CPLX2: variants seen among roughly 807,000 people sequenced by gnomAD.
The protein encoded by CPLX2 is complexin 2.
A neutral mutation model predicts 16.3 loss-of-function variants in CPLX2; 5 were observed. The ratio of observed to expected loss-of-function variants is 0.31; its 90% CI spans 0.16 to 0.64. CPLX2 has a LOEUF of 0.64. Among genes scored for constraint, CPLX2 ranks in the 30% least tolerant of loss-of-function variants. The pLI is 0.79. For synonymous variants in CPLX2, 89 were observed against 73.2 expected, an observed-to-expected ratio of 1.22 and a Z score of -1.10; for missense variants, 144 against 181.4, an observed-to-expected ratio of 0.79 and a Z score of 1.18.
intron 2 of CPLX2, among the ~76,000 whole-genome samples, chr5:175,850,796 C>A (rs1257913020): frequency 1.3e-5 from 2 of 152,010 alleles, no homozygotes; most frequent in Non-Finnish European, 2.9e-5. Flanking sequence ...AGGGGCAGAG[C>A]GATGTGTTCA....
rs975199718 is a variant in CPLX2, at chr5:175,809,928, C to T, written c.-89+860C>T. Among the ~76,000 whole-genome samples, 17 of 152,154 alleles carry T rather than the reference C, an allele frequency of 1.1e-4. No individual in the cohort carries two copies. Among genetic ancestry groups the T allele is most frequent in the Middle Eastern group, 3.2e-3 (1 of 316 alleles). Reference sequence around the variant, plus strand: ...AGAGAGTGTATGTGGATATAGAGATCGCTCGATCGCTATAGATATCGTTGC... The same window carrying T: ...AGAGAGTGTATGTGGATATAGAGATTGCTCGATCGCTATAGATATCGTTGC... On this transcript the variant is annotated intron_variant, in intron 2 of 4. Coordinates refer to the CPLX2 transcript ENST00000359546. The surrounding 1 kb of genome is among the most constrained non-coding windows in gnomAD (Gnocchi z 4.4).
chr5:175,801,211 G>C (rs1758091652), intron 1 of CPLX2, among the ~76,000 whole-genome samples: 1 of 151,894 alleles, frequency 6.6e-6, no homozygotes, highest in Non-Finnish European at 1.5e-5. Flanking sequence ...TTGCTGTGTG[G>C]AGAGTGGATG....
chr5:175,822,562 G>A (rs1056829963), intron 2 of CPLX2, among the ~76,000 whole-genome samples: 2 of 152,252 alleles, frequency 1.3e-5, no homozygotes, highest in Admixed American at 6.5e-5. Context: ...AAAAGGGAAA[G>A]TCTGATGTTG....
intron 2 of CPLX2, among the ~76,000 whole-genome samples, chr5:175,832,790 T>C (rs1393503940): frequency 1.3e-5 from 2 of 152,078 alleles, no homozygotes; most frequent in East Asian, 3.9e-4. Flanking sequence ...GGAACATGCA[T>C]GGAGAGGACC....
At chr5:175,858,182 TAGG>T (rs2113685733) in intron 2 of CPLX2, among the ~76,000 whole-genome samples, 1 of 152,280 alleles carries the variant, frequency 6.6e-6, no homozygotes, top group East Asian at 1.9e-4. Flanking sequence ...CAGTACATAA[TAGG>T]AGGTAAGAGA....
At chr5:175,875,664 T>A (rs968414992) in intron 1 of CPLX2, among the ~76,000 whole-genome samples, 3 of 151,900 alleles carry the variant, frequency 2.0e-5, no homozygotes, top group African/African-American at 7.3e-5. Flanking sequence ...GCCCGTGAAG[T>A]GGAGGGAAAG....
intron 2 of CPLX2, among the ~76,000 whole-genome samples, chr5:175,821,740 C>T (rs1181411586): frequency 6.6e-6 from 1 of 152,208 alleles, no homozygotes; most frequent in Non-Finnish European, 1.5e-5. Flanking sequence ...CACTCATTTC[C>T]TTCAAATAAA....
intron 2 of CPLX2, among the ~76,000 whole-genome samples, chr5:175,833,321 C>T (rs549410614): frequency 1.9e-4 from 29 of 152,228 alleles, no homozygotes; most frequent in African/African-American, 6.7e-4. Context: ...ATGAGAAGGG[C>T]TGGCTGCTTG....
rs1758271319 is a variant in CPLX2, at chr5:175,809,312, G to A, written c.-89+244G>A. 1 of 152,168 alleles carries A rather than the reference G, an allele frequency of 6.6e-6. No individual in the cohort carries two copies. Among genetic ancestry groups the A allele is most frequent in the African/African-American group, 2.4e-5 (1 of 41,416 alleles). The allele number at this position is 152,168 out of a possible 1,614,324, so 9.4% of individuals were successfully genotyped here. A position where few individuals can be genotyped will look rare whatever the true frequency, so the allele number is the denominator to read the frequency against. ...ATTCAGTGCTCCCCAAAAAACCTGAGGTGGATATTATTATCCCCAGTTACA... is the reference window on the plus strand; with the variant it reads ...ATTCAGTGCTCCCCAAAAAACCTGAAGTGGATATTATTATCCCCAGTTACA... On this transcript the variant is annotated intron_variant, in intron 2 of 4. Coordinates refer to the CPLX2 transcript ENST00000359546. The surrounding 1 kb of genome is among the most constrained non-coding windows in gnomAD (Gnocchi z 4.4).
At chr5:175,826,388 C>T (rs1758615194) in intron 2 of CPLX2, among the ~76,000 whole-genome samples, 1 of 152,180 alleles carries the variant, frequency 6.6e-6, no homozygotes. Context: ...TGTTCGAAGG[C>T]CTTGAATGCT....
upstream of CPLX2, among the ~76,000 whole-genome samples, chr5:175,868,531 A>G (rs1281465304): frequency 6.6e-6 from 1 of 152,120 alleles, no homozygotes; most frequent in Non-Finnish European, 1.5e-5. Flanking sequence ...AGCCACATCT[A>G]TATTTTACCA....
At chr5:175,816,970 A>G (rs935323791) in intron 2 of CPLX2, among the ~76,000 whole-genome samples, 2 of 152,246 alleles carry the variant, frequency 1.3e-5, no homozygotes, top group African/African-American at 2.4e-5. Flanking sequence ...TGGTCCCTTC[A>G]ACATCTTACG....
chr5:175,833,111 G>A (rs970292039), intron 2 of CPLX2, among the ~76,000 whole-genome samples: 15 of 147,434 alleles, frequency 1.0e-4, no homozygotes, highest in African/African-American at 3.6e-4. Context: ...AGCTGAGATC[G>A]CGCCACCGTG....
upstream of CPLX2, among the ~76,000 whole-genome samples, chr5:175,867,100 G>A (rs1288273709): frequency 5.3e-5 from 8 of 152,218 alleles, no homozygotes; most frequent in African/African-American, 1.9e-4. Flanking sequence ...AGAATGAAAG[G>A]TGCTGGGGCT....
At position 175,882,258 on chromosome 5, in the gene CPLX2, G is replaced by A. The variant is rs1171285438; in HGVS notation, c.*2213G>A. The A allele has an allele frequency of 1.3e-5, 2 of 152,632 alleles. No individual in the cohort carries two copies. The highest frequency in any genetic ancestry group is 2.9e-5 in the Non-Finnish European group (2 of 68,086). 9.5% of individuals were successfully genotyped at this position (152,632 alleles called of 1,614,324 possible). A position where few individuals can be genotyped will look rare whatever the true frequency, so the allele number is the denominator to read the frequency against. ...TTGTGTCTGTTATCCTGGGCAGGAT[G>A]GTCATTCTCAAAAACCCTGGGGTCC... On this transcript the variant is annotated 3_prime_UTR_variant, in exon 4 of 4. Transcript: ENST00000393745.
chr5:175,836,144 A>C lies in CPLX2; in HGVS notation c.-89+27076A>C, dbSNP rs898303438. 8.5e-5 allele frequency among the ~76,000 whole-genome samples: 13 copies of C among 152,146 alleles called. 1 individual carries two copies. In the East Asian group the frequency reaches 2.2e-3, roughly 25 times the overall value. On this transcript the variant is annotated intron_variant, in intron 2 of 4. Transcript: ENST00000359546. ...GGCGGGCAGATCACGAGGTCAGGAG[A>C]TCGAAACCATCCTGGCTAACACGGT...
intron 2 of CPLX2, among the ~76,000 whole-genome samples, chr5:175,817,211 T>A (rs1448843104): frequency 6.6e-6 from 1 of 152,232 alleles, no homozygotes; most frequent in Non-Finnish European, 1.5e-5. Flanking sequence ...TAGATGGCTC[T>A]AGAAAGAGCA....
chr5:175,851,349 G>C (rs186908745), intron 2 of CPLX2, among the ~76,000 whole-genome samples: 70 of 152,274 alleles, frequency 4.6e-4, no homozygotes, highest in Non-Finnish European at 8.4e-4. Flanking sequence ...GTGAGGCTGG[G>C]GCTGACTGCC....
chr5:175,814,751 T>A (rs1758374825), intron 2 of CPLX2, among the ~76,000 whole-genome samples: 1 of 152,284 alleles, frequency 6.6e-6, no homozygotes, highest in Non-Finnish European at 1.5e-5. Flanking sequence ...GAGCCAAAGC[T>A]GCACAAGGGG....
Sources: gnomAD v4.1 joint callset for allele counts (sites outside exome capture counted in the v4.1 genomes callset) on GRCh38, gnomAD v4.1.1 for gene constraint, Gnocchi (gnomAD v3.1) non-coding constraint, MANE v1.5 for transcripts, NCBI Gene and HGNC (gene_info 2026-07-23, HGNC 2026-07-21) for gene names.